Variants in MACROD2 observed in about 807,000 individuals in gnomAD.
MACROD2 encodes ADP-ribose glycohydrolase MACROD2.
MACROD2 carries 36 observed loss-of-function variants against 70.4 expected under a neutral mutation model. The observed-to-expected ratio is 0.51, with a 90% CI of 0.39 to 0.68. The LOEUF (loss-of-function observed/expected upper bound fraction) is 0.68. MACROD2 is among the 30% of genes least tolerant of loss of function. MACROD2 has a pLI of 0.00. For synonymous variants in MACROD2, 172 were observed against 178.8 expected (o/e 0.96, Z 0.30); for missense variants, 496 against 538.4 (o/e 0.92, Z 0.78).
chr20:15,492,718 A>G (rs1265059560), intron 7 of MACROD2, among the ~76,000 whole-genome samples: 3 of 152,174 alleles, frequency 2.0e-5, no homozygotes, highest in Non-Finnish European at 4.4e-5. Flanking sequence ...TAACTTCATA[A>G]TATTTTTATT....
Position 14,386,618 on chromosome 20 carries a change from C to T in MACROD2, c.272-106861C>T, listed in dbSNP as rs909968973. Among the ~76,000 whole-genome samples, 3 of 151,126 alleles carry T rather than the reference C, an allele frequency of 2.0e-5. No individual in the cohort carries two copies. The South Asian group carries it at 6.2e-4, about 31-fold the overall frequency. On this transcript the variant is annotated intron_variant, in intron 3 of 17. Transcript: ENST00000684519. ...TCTCTCTTTCTCTCTCTCTCTTGCT[C>T]GCTTCTGCTTTTGCCATGTGACATG... is the stretch of plus-strand genomic sequence containing the variant.
At chr20:14,892,492 A>G (rs1374218010) in intron 5 of MACROD2, among the ~76,000 whole-genome samples, 1 of 152,150 alleles carries the variant, frequency 6.6e-6, no homozygotes, top group African/African-American at 2.4e-5. Context: ...GTAGAATTAT[A>G]ATATTAAAAG....
At chr20:14,543,430 T>C (rs1428291533) in intron 4 of MACROD2, among the ~76,000 whole-genome samples, 1 of 152,230 alleles carries the variant, frequency 6.6e-6, no homozygotes, top group Non-Finnish European at 1.5e-5. Flanking sequence ...GTTTATGAAT[T>C]AATTTTAACT....
intron 8 of MACROD2, among the ~76,000 whole-genome samples, chr20:15,848,239 T>C (rs541048183): frequency 6.6e-6 from 1 of 152,202 alleles, no homozygotes; most frequent in African/African-American, 2.4e-5. Context: ...AATGTACCAA[T>C]ACACCATGCA....
intron 8 of MACROD2, among the ~76,000 whole-genome samples, chr20:15,784,210 C>T (rs546396999): frequency 6.6e-6 from 1 of 152,130 alleles, no homozygotes; most frequent in South Asian, 2.1e-4. Context: ...TCTGACTTCC[C>T]CAGCGCATGT....
intron 5 of MACROD2, among the ~76,000 whole-genome samples, chr20:15,216,728 G>C (rs573821265): frequency 6.6e-6 from 1 of 152,246 alleles, no homozygotes; most frequent in South Asian, 2.1e-4. Context: ...AGGCAGAAAT[G>C]ATGGGGATTA....
intron 8 of MACROD2, among the ~76,000 whole-genome samples, chr20:15,631,470 ACC>A: frequency 6.6e-6 from 1 of 152,258 alleles, no homozygotes; most frequent in South Asian, 2.1e-4. Flanking sequence ...CTCTGTTTTA[ACC>A]CCCCAGAGAT....
chr20:14,586,517 G>A (rs1366443861), intron 4 of MACROD2, among the ~76,000 whole-genome samples: 3 of 152,006 alleles, frequency 2.0e-5, no homozygotes, highest in Non-Finnish European at 4.4e-5. Context: ...AAAAGACGAA[G>A]AGAAATGGTT....
At chr20:15,034,737 T>C (rs2075300457) in intron 5 of MACROD2, among the ~76,000 whole-genome samples, 2 of 152,322 alleles carry the variant, frequency 1.3e-5, no homozygotes, top group South Asian at 4.1e-4. Flanking sequence ...TTCTGCATGG[T>C]ATTTTATCAC....
chr20:14,250,945 C>T (rs886197927), intron 3 of MACROD2, among the ~76,000 whole-genome samples: 2 of 151,890 alleles, frequency 1.3e-5, no homozygotes, highest in African/African-American at 4.8e-5. Context: ...CAGAAAAGTT[C>T]TAATTGATTG....
At chr20:14,072,376 G>A (rs1446587311) in intron 2 of MACROD2, among the ~76,000 whole-genome samples, 1 of 151,816 alleles carries the variant, frequency 6.6e-6, no homozygotes, top group East Asian at 1.9e-4. Flanking sequence ...GTATATGAGA[G>A]CCTGCATAGC....
chr20:15,931,834 C>T (rs1204012088), intron 10 of MACROD2, among the ~76,000 whole-genome samples: 3 of 152,022 alleles, frequency 2.0e-5, no homozygotes, highest in African/African-American at 7.2e-5. Context: ...CTAAATGTTT[C>T]CCCATCTGAA....
At chr20:14,067,891 GTTGT>G (rs2053786223) in intron 2 of MACROD2, among the ~76,000 whole-genome samples, 1 of 152,188 alleles carries the variant, frequency 6.6e-6, no homozygotes, top group Non-Finnish European at 1.5e-5. Context: ...AGCTCTGTCA[GTTGT>G]AAGACCATGG....
chr20:14,525,116 A>G (rs1170728184), intron 4 of MACROD2, among the ~76,000 whole-genome samples: 5 of 152,190 alleles, frequency 3.3e-5, no homozygotes, highest in Admixed American at 2.6e-4. Context: ...TCAAAATACT[A>G]CAAGTAGTAC....
intron 4 of MACROD2, among the ~76,000 whole-genome samples, chr20:14,639,655 T>C (rs2123488269): frequency 6.6e-6 from 1 of 152,328 alleles, no homozygotes; most frequent in South Asian, 2.1e-4. Flanking sequence ...AATGAAAGTC[T>C]ACAGGCTTCT....
intron 7 of MACROD2, among the ~76,000 whole-genome samples, chr20:15,449,974 G>A (rs915066831): frequency 6.6e-6 from 1 of 152,156 alleles, no homozygotes; most frequent in Non-Finnish European, 1.5e-5. Flanking sequence ...CAACCTGGGT[G>A]ACAGAGTGAG....
At chr20:15,894,708 G>A (rs2147227817) in intron 10 of MACROD2, among the ~76,000 whole-genome samples, 1 of 152,364 alleles carries the variant, frequency 6.6e-6, no homozygotes, top group African/African-American at 2.4e-5. Context: ...CTGGCCTTCT[G>A]TCAGTGATGG....
At chr20:15,707,982 G>A (rs1163951401) in intron 8 of MACROD2, among the ~76,000 whole-genome samples, 2 of 151,708 alleles carry the variant, frequency 1.3e-5, no homozygotes, top group Non-Finnish European at 2.9e-5. Flanking sequence ...GGAGAGGGAC[G>A]CAGTGTCACC....
At chr20:15,460,887 T>G (rs937125781) in intron 7 of MACROD2, among the ~76,000 whole-genome samples, 7 of 150,624 alleles carry the variant, frequency 4.6e-5, no homozygotes, top group African/African-American at 1.5e-4. Context: ...AACCTAAGTG[T>G]GATGGAGAAG....
Sources: allele counts gnomAD v4.1 joint callset (sites outside exome capture counted in the v4.1 genomes callset), GRCh38; gene constraint gnomAD v4.1.1; transcripts MANE v1.5; gene names NCBI Gene and HGNC (gene_info 2026-07-23, HGNC 2026-07-21).